HELB: variants seen among roughly 807,000 people sequenced by gnomAD.
The protein encoded by HELB is DNA 5'-3' helicase B.
In HELB, 96 loss-of-function variants were observed where a neutral mutation model predicts 101.7. The ratio of observed to expected loss-of-function variants is 0.94; its 90% CI spans 0.80 to 1.12. HELB has a LOEUF of 1.12. Ranked by LOEUF, HELB falls within the 50% of genes most tolerant of loss-of-function variation. The probability of loss-of-function intolerance (pLI) is 0.00; values close to 1 mark genes in which losing one functional copy is unlikely to be tolerated. For synonymous variants in HELB, 437 were observed against 459.7 expected (o/e 0.95, Z 0.63); for missense variants, 1,210 against 1,291.9 (o/e 0.94, Z 0.97).
At chr12:66,331,720 T>C in intron 12 of HELB, 75 bp downstream of exon 12, 2 of 1,340,964 alleles carry the variant, frequency 1.5e-6, no homozygotes, top group Non-Finnish European at 2.0e-6. Flanking sequence ...AATGACTGTG[T>C]GCTTTTATTA....
At chr12:66,340,699 G>A, downstream of HELB, 1 of 173,504 alleles carries the variant, frequency 5.8e-6, no homozygotes, top group Non-Finnish European at 1.2e-5. Flanking sequence ...AGCAAGGATA[G>A]CCAGTTGGAG....
At position 66,338,122 on chromosome 12, in the gene HELB, G is replaced by A. The variant is rs778546745; in HGVS notation, c.*20G>A. The A allele has an allele frequency of 1.3e-5, 17 of 1,320,560 alleles. No homozygotes were observed. Among genetic ancestry groups the A allele is most frequent in the Middle Eastern group, 1.8e-4 (1 of 5,538 alleles). The allele number at this position is 1,320,560 out of a possible 1,614,324, so 81.8% of individuals were successfully genotyped here. A position where few individuals can be genotyped will look rare whatever the true frequency, so the allele number is the denominator to read the frequency against. On this transcript the variant is annotated 3_prime_UTR_variant, in exon 13 of 13. Coordinates refer to ENST00000247815, the MANE Select transcript of HELB (RefSeq NM_001370285.1). ...ACTTAGTTTTATTTCAAATTGTTCC[G>A]AGTAACTATGTTTTTCTATTGGAGA...
chr12:66,317,018 CAAAA>C (rs35841295), intron 6 of HELB, among the ~76,000 whole-genome samples: 4 of 81,512 alleles, frequency 4.9e-5, no homozygotes, highest in African/African-American at 1.4e-4. Flanking sequence ...GACTCCATCT[CAAAA>C]AAAAAAAAAA....
chr12:66,328,719 A>T (rs966640529), intron 11 of HELB, among the ~76,000 whole-genome samples: 27 of 152,216 alleles, frequency 1.8e-4, no homozygotes, highest in Non-Finnish European at 3.8e-4. Context: ...TTTAGTATCT[A>T]AATTGAAATG....
intron 6 of HELB, 122 bp from the exon 7 acceptor site, chr12:66,318,516 A>G: frequency 1.2e-6 from 1 of 828,022 alleles, no homozygotes; most frequent in Admixed American, 3.3e-5. Context: ...TACCTGGATG[A>G]CCTTTTCTCT....
In HELB at chr12:66,304,900, A is replaced by G; in HGVS notation, c.357A>G (p.Ser119=). ...FPSYFLQSDM[S]PPNQKHICAL... is the part of the protein sequence containing the mutation. Reference sequence around the variant, plus strand: ...CTTACTTTTTGCAGTCTGATATGTCACCACCAAATCAAAAACATATCTGTG... The same window carrying G: ...CTTACTTTTTGCAGTCTGATATGTCGCCACCAAATCAAAAACATATCTGTG... The change falls in exon 2 of 13, where the codon TCA becomes TCG. Residue 119 remains serine, a synonymous_variant. Coordinates refer to ENST00000247815, the MANE Select transcript of HELB (RefSeq NM_001370285.1). 6.2e-7 allele frequency: 1 copy of G among 1,614,162 alleles called. No individual in the cohort carries two copies. The highest frequency in any genetic ancestry group is 1.7e-5 in the Admixed American group (1 of 60,030).
intron 7 of HELB, among the ~76,000 whole-genome samples, chr12:66,319,542 G>A (rs2053647789): frequency 6.6e-6 from 1 of 152,158 alleles, no homozygotes; most frequent in Non-Finnish European, 1.5e-5. Context: ...TATTTAAATA[G>A]ATTGAACTTA....
intron 3 of HELB, among the ~76,000 whole-genome samples, chr12:66,308,781 T>C (rs1328915061): frequency 6.6e-6 from 1 of 152,136 alleles, no homozygotes; most frequent in East Asian, 1.9e-4. Flanking sequence ...AGGTGAATAG[T>C]CCCATTTAAC....
At chr12:66,335,479 G>A (rs886476917) in intron 12 of HELB, among the ~76,000 whole-genome samples, 4 of 152,146 alleles carry the variant, frequency 2.6e-5, no homozygotes, top group African/African-American at 7.2e-5. Flanking sequence ...CTGAAAGGGC[G>A]GAGGAAGCAG....
chr12:66,334,549 C>T (rs143413592), intron 12 of HELB, among the ~76,000 whole-genome samples: 3,725 of 150,568 alleles, frequency 0.025, 152 homozygotes, highest in African/African-American at 0.086. Flanking sequence ...CCAAGGTGGG[C>T]GGATCACTTG....
chr12:66,333,248 C>T (rs912269867), intron 12 of HELB, among the ~76,000 whole-genome samples: 1 of 152,038 alleles, frequency 6.6e-6, no homozygotes, highest in Non-Finnish European at 1.5e-5. Flanking sequence ...GTGTGGTGGG[C>T]AGGAGGTGCT....
intron 12 of HELB, among the ~76,000 whole-genome samples, chr12:66,335,898 G>C (rs1236140740): frequency 2.6e-5 from 4 of 152,146 alleles, no homozygotes; most frequent in Non-Finnish European, 4.4e-5. Flanking sequence ...ATCCAGCTCA[G>C]TTTCTGTGTT....
intron 4 of HELB, among the ~76,000 whole-genome samples, chr12:66,313,040 T>G (rs2136995274): frequency 6.6e-6 from 1 of 152,250 alleles, no homozygotes; most frequent in Non-Finnish European, 1.5e-5. Context: ...ATTTCTAAGA[T>G]AATAAATTGA....
chr12:66,312,926 T>C (rs527711889), intron 4 of HELB, among the ~76,000 whole-genome samples: 2 of 152,294 alleles, frequency 1.3e-5, no homozygotes, highest in East Asian at 1.9e-4. Context: ...CCTGGGATTG[T>C]GTGTGGGGGA....
At chr12:66,311,737 A>G (rs2053547419) in intron 4 of HELB, among the ~76,000 whole-genome samples, 1 of 152,202 alleles carries the variant, frequency 6.6e-6, no homozygotes, top group Admixed American at 6.5e-5. Flanking sequence ...AAATAAATTA[A>G]CATTCTTGAA....
At chr12:66,308,529 A>G (rs1248730087) in intron 3 of HELB, among the ~76,000 whole-genome samples, 1 of 152,204 alleles carries the variant, frequency 6.6e-6, no homozygotes, top group Non-Finnish European at 1.5e-5. Context: ...AGTACTGCTG[A>G]CTGGTTGGCT....
At position 66,310,468 on chromosome 12, in the gene HELB, T is replaced by A; in HGVS notation, c.1540T>A (p.Ser514Thr). The A allele has an allele frequency of 6.2e-7, 1 of 1,614,090 alleles. No homozygotes were observed. Among genetic ancestry groups the A allele is most frequent in the Non-Finnish European group, 8.5e-7 (1 of 1,180,026 alleles). The change falls in exon 4 of 13, where the codon TCA (serine) becomes ACA (threonine). Residue 514 changes from serine to threonine, a missense_variant. Around this residue, in one of 2 missense-constraint regions of HELB, gnomAD observed 740 missense variants for 728.8 expected, o/e 1.02. Coordinates refer to ENST00000247815, the MANE Select transcript of HELB (RefSeq NM_001370285.1). ...CEDFEQDQNA[S>T]EEWITFTEQS... The stretch of plus-strand genomic sequence containing the variant: ...AGATTTTGAACAAGACCAGAATGCT[T>A]CAGAAGAATGGATTACCTTTACTGA...
intron 7 of HELB, chr12:66,321,299 C>G (rs1033429040): frequency 6.6e-6 from 1 of 152,172 alleles, no homozygotes; most frequent in Non-Finnish European, 1.5e-5. Context: ...GATGCCCCCG[C>G]TATGCCAGGG....
In HELB at chr12:66,331,437, C is replaced by T; in HGVS notation, c.2954C>T (p.Pro985Leu). The T allele has an allele frequency of 1.2e-6, 2 of 1,614,216 alleles. No individual in the cohort carries two copies. The highest frequency in any genetic ancestry group is 1.7e-6 in the Non-Finnish European group (2 of 1,180,036). Residue 985 changes from proline to leucine, a missense_variant, in exon 12 of 13, where the codon CCA (proline) becomes CTA (leucine). This residue lies in a region of HELB where 740 missense variants were observed against 728.8 expected (regional missense o/e 1.02). Coordinates refer to ENST00000247815, the MANE Select transcript of HELB (RefSeq NM_001370285.1). ...GGACCCAGCACACCGTCAGCATCTC[C>T]ACTCCCTGTAGTCACAGACCACGCC... Reference protein sequence around the residue: ...SGGPSTPSASPLPVVTDHAMT... With the variant: ...SGGPSTPSASLLPVVTDHAMT...
Sources: gnomAD v4.1 joint callset for allele counts (sites outside exome capture counted in the v4.1 genomes callset) on GRCh38, gnomAD v4.1.1 for gene constraint, gnomAD v4.1.1 regional missense constraint, MANE v1.5 for transcripts, NCBI Gene and HGNC (gene_info 2026-07-23, HGNC 2026-07-21) for gene names.